The following ARMCX4 variants were observed in gnomAD, a reference collection of about 807,000 sequenced individuals.
ARMCX4 encodes armadillo repeat containing X-linked 4.
Under a neutral mutation model 34.7 loss-of-function variants are expected in ARMCX4, and 3 were observed. The ratio of observed to expected loss-of-function variants is 0.09; its 90% CI spans 0.04 to 0.22. The LOEUF (loss-of-function observed/expected upper bound fraction) is 0.22, where lower values mean the gene tolerates loss of function less well. Ranked by LOEUF, ARMCX4 falls within the 10% of genes least tolerant of loss-of-function variation. The probability of loss-of-function intolerance (pLI) is 1.00; values close to 1 mark genes in which losing one functional copy is unlikely to be tolerated. For synonymous variants in ARMCX4, 513 were observed against 632.8 expected (o/e 0.81, Z 2.84); for missense variants, 1,448 against 1,720.8 (o/e 0.84, Z 2.81).
chrX:101,523,676 C>CCTCT (rs1934902280), intron 11 of ARMCX4, among the ~76,000 whole-genome samples: 3 of 111,573 alleles, frequency 2.7e-5, no homozygotes, highest in Admixed American at 1.9e-4. Flanking sequence ...AGGGTGTGGG[C>CCTCT]AGGTGGTTCA....
At chrX:101,508,622 G>T (rs1226399060) in intron 8 of ARMCX4, among the ~76,000 whole-genome samples, 1 of 111,327 alleles carries the variant, frequency 9.0e-6, no homozygotes, top group African/African-American at 3.3e-5. Flanking sequence ...TATAAATTTT[G>T]GGGGACATGA....
chrX:101,527,859 A>G (rs1935015445), intron 11 of ARMCX4, among the ~76,000 whole-genome samples: 1 of 111,775 alleles, frequency 8.9e-6, no homozygotes. Flanking sequence ...AACCAAAAAA[A>G]GTCCAGGACC....
At chrX:101,457,931 G>A (rs1396609920) in intron 4 of ARMCX4, among the ~76,000 whole-genome samples, 5 of 109,799 alleles carry the variant, frequency 4.6e-5, no homozygotes, top group African/African-American at 1.7e-4. Context: ...TAGTAGAGAC[G>A]GGGTTTCACC....
At chrX:101,511,662 G>T (rs1200417765) in intron 11 of ARMCX4, among the ~76,000 whole-genome samples, 3 of 109,748 alleles carry the variant, frequency 2.7e-5, no homozygotes, top group African/African-American at 1.0e-4. Flanking sequence ...TGAGCATTCT[G>T]TTGCCCACAC....
chrX:101,490,105 G>A lies in ARMCX4; in HGVS notation c.1516G>A (p.Val506Met), dbSNP rs1217507464. 1.7e-6 allele frequency: 2 copies of A among 1,154,500 alleles called. No homozygotes were observed. Among genetic ancestry groups the A allele is most frequent in the African/African-American group, 1.8e-5 (1 of 55,819 alleles). ...VNTMPKEGAG[V>M]DMKAQGMAQS... ...TACCATGCCTAAGGAAGGAGCTGGGGTGGATATGAAGGCTCAAGGTATGGC... is the reference window on the plus strand; with the variant it reads ...TACCATGCCTAAGGAAGGAGCTGGGATGGATATGAAGGCTCAAGGTATGGC... Residue 506 changes from valine (V) to methionine (M), a missense_variant, in exon 6 of 6, where the codon GTG becomes ATG. By Grantham distance (21) the Val-to-Met change is conservative. Coordinates refer to ENST00000423738, the MANE Select transcript of ARMCX4 (RefSeq NM_001256155.3).
At chrX:101,485,698 G>A (rs1933670761) in intron 1 of ARMCX4, among the ~76,000 whole-genome samples, 168 bp downstream of exon 1, 1 of 112,254 alleles carries the variant, frequency 8.9e-6, no homozygotes, top group Admixed American at 9.4e-5. Context: ...CTGTGCAGGC[G>A]AACCGTGGGC....
chrX:101,422,125 C>T (rs370064246), intron 2 of ARMCX4, among the ~76,000 whole-genome samples: 2 of 107,864 alleles, frequency 1.9e-5, no homozygotes, highest in African/African-American at 6.8e-5. Flanking sequence ...AAGCGATTCT[C>T]CTGCCTCAGC....
At chrX:101,461,001 G>A (rs1226566150) in intron 4 of ARMCX4, among the ~76,000 whole-genome samples, 1 of 111,847 alleles carries the variant, frequency 8.9e-6, no homozygotes, top group East Asian at 2.8e-4. Flanking sequence ...GATTTCCCTG[G>A]GTGCTGGCAC....
chrX:101,523,951 T>C (rs189236471), intron 11 of ARMCX4, among the ~76,000 whole-genome samples: 1,523 of 109,722 alleles, frequency 0.014, 25 homozygotes, highest in African/African-American at 0.047. Context: ...CTTTTTTTTT[T>C]CCCCCTTTTC....
intron 11 of ARMCX4, among the ~76,000 whole-genome samples, chrX:101,530,896 T>C (rs1935114813): frequency 1.8e-5 from 2 of 112,134 alleles, no homozygotes; most frequent in Admixed American, 1.9e-4. Flanking sequence ...AGAAAATACT[T>C]TTTTCCTCTT....
At chrX:101,455,941 C>T (rs978735292) in intron 4 of ARMCX4, among the ~76,000 whole-genome samples, 1 of 111,477 alleles carries the variant, frequency 9.0e-6, no homozygotes. Context: ...CATTAGTTTG[C>T]TTAGGATTAT....
intron 4 of ARMCX4, among the ~76,000 whole-genome samples, chrX:101,464,033 T>C (rs887764951): frequency 3.0e-4 from 33 of 110,299 alleles, no homozygotes; most frequent in African/African-American, 1.1e-3. Context: ...GCTGGGATTA[T>C]AGGCGTGAGC....
At chrX:101,435,740 T>A (rs868921939) in intron 2 of ARMCX4, among the ~76,000 whole-genome samples, 24 of 109,789 alleles carry the variant, frequency 2.2e-4, no homozygotes, top group East Asian at 1.1e-3. Context: ...CTGAATGGTA[T>A]TGCCTAGGTT....
exon 8 of ARMCX4, chrX:101,504,976 C>T (rs186084258): frequency 1.8e-5 from 2 of 111,172 alleles, no homozygotes; most frequent in Non-Finnish European, 1.9e-5. Flanking sequence ...AGGATTAATC[C>T]TGATTTGAAC....
rs1933933249 is a variant in ARMCX4 at position 101,490,606 on chromosome X, A to G, written c.2017A>G (p.Met673Val). 6.9e-6 allele frequency: 8 copies of G among 1,154,724 alleles called. No individual in the cohort carries two copies. Among genetic ancestry groups the G allele is most frequent in the Non-Finnish European group, 6.9e-6 (6 of 872,388 alleles). Reference protein sequence around the residue: ...GAMGTAQLQIMASSKGEALLD... With the variant: ...GAMGTAQLQIVASSKGEALLD... ...AATGGGCACTGCCCAGCTTCAGATT[A>G]TGGCCAGTTCCAAGGGTGAGGCCTT... is the stretch of plus-strand genomic sequence containing the variant. The change falls in exon 6 of 6, where the codon ATG becomes GTG. Residue 673 changes from methionine (M) to valine (V), a missense_variant. Physicochemically the swap from Met to Val is conservative, Grantham distance 21. Around this residue, in one of 2 missense-constraint regions of ARMCX4, gnomAD observed 1,343 missense variants for 1,540.7 expected, o/e 0.87. Transcript: ENST00000423738.
chrX:101,476,584 G>GA (rs1231045814), intron 4 of ARMCX4, among the ~76,000 whole-genome samples: 2 of 109,124 alleles, frequency 1.8e-5, no homozygotes, highest in Middle Eastern at 4.9e-3. Flanking sequence ...CAAAATTTAA[G>GA]AAAAAAAAGC....
At chrX:101,498,582 T>C (rs782714135), downstream of ARMCX4, 8 of 117,618 alleles carry the variant, frequency 6.8e-5, no homozygotes, top group South Asian at 2.3e-3. Flanking sequence ...TTGAAAGCTA[T>C]GTTTGAAAGT....
chrX:101,437,215 G>A (rs1215931288), intron 2 of ARMCX4, among the ~76,000 whole-genome samples: 1 of 111,959 alleles, frequency 8.9e-6, no homozygotes, highest in Non-Finnish European at 1.9e-5. Context: ...GTTTCAGAAG[G>A]AATGGTACCA....
At chrX:101,463,772 C>T (rs1306704963) in intron 4 of ARMCX4, among the ~76,000 whole-genome samples, 2 of 110,570 alleles carry the variant, frequency 1.8e-5, no homozygotes, top group South Asian at 3.9e-4. Context: ...TATTGAGAGG[C>T]GGTCTCACTG....
Sources: allele counts gnomAD v4.1 joint callset (sites outside exome capture counted in the v4.1 genomes callset), GRCh38; gene constraint gnomAD v4.1.1; regional missense constraint gnomAD v4.1.1; transcripts MANE v1.5; gene names NCBI Gene and HGNC (gene_info 2026-07-23, HGNC 2026-07-21).